EEF1D: variants seen among roughly 807,000 people sequenced by gnomAD.
EEF1D encodes eukaryotic translation elongation factor 1 delta.
A neutral mutation model predicts 63.9 loss-of-function variants in EEF1D; 47 were observed. That is an observed-to-expected ratio of 0.74 (90% CI 0.58 to 0.94). EEF1D has a LOEUF of 0.94. Ranked by LOEUF, EEF1D falls within the 40% of genes least tolerant of loss-of-function variation. The pLI is 0.00. For synonymous variants in EEF1D, 412 were observed against 386.1 expected (o/e 1.07, Z -0.79); for missense variants, 907 against 899.0 (o/e 1.01, Z -0.11).
At chr8:143,580,258 G>A in intron 8 of EEF1D, 52 bp from the exon 9 acceptor site, 1 of 1,568,720 alleles carries the variant, frequency 6.4e-7, no homozygotes, top group Non-Finnish European at 8.7e-7. Context: ...AGAACACCCA[G>A]GAAGTACCTG....
At chr8:143,592,427 C>T (rs1252497323) in intron 2 of EEF1D, among the ~76,000 whole-genome samples, 1 of 152,100 alleles carries the variant, frequency 6.6e-6, no homozygotes, top group East Asian at 1.9e-4. Flanking sequence ...GCTGACCCGC[C>T]AGCCCAGGAC....
At position 143,581,235 on chromosome 8, in the gene EEF1D, G is replaced by A. The variant is rs1447049807; in HGVS notation, c.1381C>T (p.Arg461Cys). 10 of 1,612,566 alleles carry A rather than the reference G, an allele frequency of 6.2e-6. No individual in the cohort carries two copies. Among genetic ancestry groups the A allele is most frequent in the African/African-American group, 1.3e-5 (1 of 74,918 alleles). ...CACTGGCCCGGGGCCTCACCGCCACGCAGACTCTGGTTCTCCACTTCCAGA... is the reference window on the plus strand; with the variant it reads ...CACTGGCCCGGGGCCTCACCGCCACACAGACTCTGGTTCTCCACTTCCAGA... ...ASLEVENQSL[R>C]GVVQELQQAI... The change falls in exon 6 of 10, where the codon CGT becomes TGT. Residue 461 changes from arginine to cysteine, a missense_variant. Coordinates refer to ENST00000618139, the MANE Select transcript of EEF1D (RefSeq NM_001130053.5).
At chr8:143,592,502 C>T (rs2131248583) in intron 2 of EEF1D, 145 bp downstream of exon 2, 4 of 807,364 alleles carry the variant, frequency 5.0e-6, no homozygotes, top group East Asian at 1.2e-4. Flanking sequence ...AACCCAATTC[C>T]TCCACTTTCC....
At chr8:143,591,227 G>A (rs1827900084) in intron 2 of EEF1D, among the ~76,000 whole-genome samples, 1 of 152,212 alleles carries the variant, frequency 6.6e-6, no homozygotes, top group Non-Finnish European at 1.5e-5. Flanking sequence ...CCATCTTGGT[G>A]GGAGGCAGGT....
chr8:143,583,378 CAG>C (rs566165666), intron 5 of EEF1D: 32 of 152,404 alleles, frequency 2.1e-4, no homozygotes, highest in African/African-American at 7.5e-4. Flanking sequence ...CTGCCTGTCC[CAG>C]AGACACCTTA....
At chr8:143,586,103 C>G in intron 5 of EEF1D, 116 bp downstream of exon 5, 1 of 867,938 alleles carries the variant, frequency 1.2e-6, no homozygotes, top group Non-Finnish European at 1.8e-6. Context: ...AGCACAGCGC[C>G]GTGCACCCTG....
chr8:143,584,527 A>G (rs58472315), intron 5 of EEF1D, among the ~76,000 whole-genome samples: 14,734 of 152,008 alleles, frequency 0.097, 689 homozygotes, highest in South Asian at 0.16. Context: ...GGATCATGCC[A>G]CTGTACTCCA....
chr8:143,588,861 T>C (rs964480539), intron 3 of EEF1D, 130 bp downstream of exon 3: 27 of 1,258,948 alleles, frequency 2.1e-5, no homozygotes, highest in Non-Finnish European at 2.7e-5. Context: ...TCAACTCTGC[T>C]GGGCCCACGG....
intron 3 of EEF1D, chr8:143,587,088 C>CAGA: frequency 2.4e-6 from 1 of 413,528 alleles, no homozygotes; most frequent in Non-Finnish European, 4.3e-6. Context: ...AGGCCCTTCC[C>CAGA]TTTCACTCAC....
At position 143,589,082 on chromosome 8, in the gene EEF1D, C is replaced by T; in HGVS notation, c.1000G>A (p.Ala334Thr). 1 of 1,606,712 alleles carries T rather than the reference C, an allele frequency of 6.2e-7. No individual in the cohort carries two copies. Among genetic ancestry groups the T allele is most frequent in the Non-Finnish European group, 8.5e-7 (1 of 1,178,594 alleles). Residue 334 changes from alanine to threonine, a missense_variant, in exon 3 of 10, where the codon GCC becomes ACC. Coordinates refer to ENST00000618139, the MANE Select transcript of EEF1D (RefSeq NM_001130053.5). ...TCGAGGCACCAGGCCACCCGCAGGG[C>T]CTCGGCAGCGTGGTGGCGGCACTCG... is the stretch of plus-strand genomic sequence containing the variant. ...SAECRHHAAE[A>T]LRVAWCLEAA...
intron 1 of EEF1D, among the ~76,000 whole-genome samples, chr8:143,595,845 G>T (rs1038596721): frequency 6.6e-6 from 1 of 152,188 alleles, no homozygotes; most frequent in Non-Finnish European, 1.5e-5. Context: ...CACCTCACAC[G>T]GCACCCTTGG....
intron 3 of EEF1D, chr8:143,587,057 C>T (rs113480566): frequency 1.0e-5 from 6 of 583,636 alleles, no homozygotes; most frequent in South Asian, 2.2e-5. Context: ...AAGTGTGGTC[C>T]GAGAACCTCT....
intron 2 of EEF1D, chr8:143,590,574 A>G (rs146783095): frequency 7.4e-6 from 8 of 1,078,474 alleles, no homozygotes; most frequent in Non-Finnish European, 9.0e-6. Context: ...TGGCCACACC[A>G]CTGCCACACC....
chr8:143,585,781 G>A (rs1826467425), intron 5 of EEF1D, among the ~76,000 whole-genome samples: 1 of 152,200 alleles, frequency 6.6e-6, no homozygotes, highest in South Asian at 2.1e-4. Flanking sequence ...CCAACTCTAG[G>A]CTCTGAACTC....
intron 7 of EEF1D, 45 bp from the exon 8 acceptor site, chr8:143,580,772 C>T: frequency 6.2e-7 from 1 of 1,602,720 alleles, no homozygotes. Context: ...GACGCCCCAA[C>T]CAGGGCCCAG....
intron 4 of EEF1D, 123 bp from the exon 5 acceptor site, chr8:143,586,413 G>A (rs1826633067): frequency 7.1e-6 from 7 of 985,516 alleles, no homozygotes; most frequent in Non-Finnish European, 1.0e-5. Context: ...TGCACAGAAC[G>A]AGAGCTTGGC....
chr8:143,590,165 T>TGCCC (rs1563986080), intron 2 of EEF1D, 84 bp from the exon 3 acceptor site: 2 of 1,388,370 alleles, frequency 1.4e-6, no homozygotes, highest in Admixed American at 3.9e-5. Flanking sequence ...ACCCTCCCCG[T>TGCCC]GCCCGCCCTC....
intron 3 of EEF1D, 101 bp from the exon 4 acceptor site, chr8:143,586,953 AGACACCAGCGGTTCTCCACAAAGC>A: frequency 1.3e-6 from 2 of 1,510,892 alleles, no homozygotes; most frequent in East Asian, 4.6e-5. Flanking sequence ...CACCCGCTTC[AGACACCAGCGGTTCTCCACAAAGC>A]GACACCAAGC....
chr8:143,583,960 C>T (rs968641446), intron 5 of EEF1D: 4 of 152,270 alleles, frequency 2.6e-5, no homozygotes, highest in African/African-American at 9.6e-5. Flanking sequence ...CCGTGAGCAG[C>T]TTCCAGCAGC....
Sources: gnomAD v4.1 joint callset for allele counts (sites outside exome capture counted in the v4.1 genomes callset) on GRCh38, gnomAD v4.1.1 for gene constraint, MANE v1.5 for transcripts, NCBI Gene and HGNC (gene_info 2026-07-23, HGNC 2026-07-21) for gene names.